CDK2AP1: variants seen among roughly 807,000 people sequenced by gnomAD.
CDK2AP1 encodes the protein cyclin dependent kinase 2 associated protein 1.
A neutral mutation model predicts 14.1 loss-of-function variants in CDK2AP1; 10 were observed. That is an observed-to-expected ratio of 0.71 (90% CI 0.44 to 1.20). The LOEUF (loss-of-function observed/expected upper bound fraction) is 1.20. Among genes scored for constraint, CDK2AP1 ranks in the 50% most tolerant of loss-of-function variants. The pLI is 0.00. For missense variants in CDK2AP1, 102 were observed against 149.9 expected, an observed-to-expected ratio of 0.68 and a Z score of 1.67; for synonymous variants, 59 against 59.8, an observed-to-expected ratio of 0.99 and a Z score of 0.06.
At chr12:123,261,933 G>A in intron 3 of CDK2AP1, 130 bp from the exon 4 acceptor site, 1 of 699,876 alleles carries the variant, frequency 1.4e-6, no homozygotes, top group South Asian at 1.6e-5. Context: ...AGAGAACCAG[G>A]GAAACCTATA....
At chr12:123,267,570 A>C in intron 1 of CDK2AP1, 1 of 366,968 alleles carries the variant, frequency 2.7e-6, no homozygotes, top group South Asian at 2.5e-5. Flanking sequence ...AGATAAAATT[A>C]TTGCCACTCC....
At position 123,267,169 on chromosome 12, in the gene CDK2AP1, A is replaced by T; in HGVS notation, c.153+16T>A. The T allele has an allele frequency of 6.9e-7, 1 of 1,441,812 alleles. No homozygotes were observed. Among genetic ancestry groups the T allele is most frequent in the African/African-American group, 1.4e-5 (1 of 71,418 alleles). The allele number at this position is 1,441,812 out of a possible 1,614,324, so 89.3% of individuals were successfully genotyped here. On this transcript the variant is annotated intron_variant, in intron 2 of 3. Coordinates refer to ENST00000261692, the MANE Select transcript of CDK2AP1 (RefSeq NM_004642.4). ...CCCCTGGCCCTCCCACCATGCCATC[A>T]CCCCCATTGACATACCTGGGTGTAG...
At chr12:123,261,929 C>T in intron 3 of CDK2AP1, 126 bp from the exon 4 acceptor site, 1 of 709,972 alleles carries the variant, frequency 1.4e-6, no homozygotes, top group Non-Finnish European at 2.5e-6. Context: ...ATAAAGAGAA[C>T]CAGGGAAACC....
intron 1 of CDK2AP1, among the ~76,000 whole-genome samples, chr12:123,268,710 C>T (rs1386464045): frequency 5.3e-5 from 8 of 152,228 alleles, no homozygotes; most frequent in Non-Finnish European, 8.8e-5. Flanking sequence ...TGATGAGACA[C>T]GTGCGCTATA....
rs1186822471 is a variant in CDK2AP1, at chr12:123,271,691, G to A, written c.-73C>T. On this transcript the variant is annotated 5_prime_UTR_variant, in exon 1 of 4. Coordinates refer to ENST00000261692, the MANE Select transcript of CDK2AP1 (RefSeq NM_004642.4). ...GGCGGCGGCGGCGGCGGCGAGGCCG[G>A]GCGGTAGCGCTGCAGCCCCGCGCCC... 2 of 553,432 alleles carry A rather than the reference G, an allele frequency of 3.6e-6. No individual in the cohort carries two copies. Among genetic ancestry groups the A allele is most frequent in the South Asian group, 7.5e-5 (1 of 13,332 alleles). The allele number at this position is 553,432 out of a possible 1,614,324, so 34.3% of individuals were successfully genotyped here. A position where few individuals can be genotyped will look rare whatever the true frequency, so the allele number is the denominator to read the frequency against.
At chr12:123,262,406 A>C (rs1410671207) in intron 3 of CDK2AP1, 1 of 152,140 alleles carries the variant, frequency 6.6e-6, no homozygotes, top group Non-Finnish European at 1.5e-5. Flanking sequence ...ATAGACACTA[A>C]GGATTCTATT....
intron 1 of CDK2AP1, 64 bp downstream of exon 1, chr12:123,271,500 G>C (rs1363183184): frequency 3.2e-6 from 3 of 941,444 alleles, no homozygotes; most frequent in Non-Finnish European, 3.8e-6. Context: ...TCCCCGGGCC[G>C]GGGCCGGGCG....
At chr12:123,262,750 T>C (rs2048246161) in intron 3 of CDK2AP1, among the ~76,000 whole-genome samples, 1 of 152,254 alleles carries the variant, frequency 6.6e-6, no homozygotes, top group East Asian at 1.9e-4. Flanking sequence ...TGTTTTATCA[T>C]TATTTGTAGA....
At position 123,265,133 on chromosome 12, in the gene CDK2AP1, A is replaced by G; in HGVS notation, c.280+63T>C. 2.5e-6 allele frequency: 4 copies of G among 1,601,674 alleles called. No homozygotes were observed. The highest frequency in any genetic ancestry group is 1.1e-5 in the South Asian group (1 of 90,836). The stretch of plus-strand genomic sequence containing the variant: ...CCCACCTTCCCACATTTTCCCCAAA[A>G]GTCTTTCCAGAGTTAAAGGTCTAGC... On this transcript the variant is annotated intron_variant, in intron 3 of 3. Coordinates refer to ENST00000261692, the MANE Select transcript of CDK2AP1 (RefSeq NM_004642.4). The surrounding 1 kb of genome is among the most constrained non-coding windows in gnomAD (Gnocchi z 5.3).
chr12:123,262,801 A>T (rs1399857181), intron 3 of CDK2AP1, among the ~76,000 whole-genome samples: 1 of 152,130 alleles, frequency 6.6e-6, no homozygotes, highest in Non-Finnish European at 1.5e-5. Context: ...TTAGCCTCCC[A>T]AACTGCTGGA....
At chr12:123,268,649 C>T (rs973141523) in intron 1 of CDK2AP1, among the ~76,000 whole-genome samples, 9 of 152,238 alleles carry the variant, frequency 5.9e-5, no homozygotes, top group African/African-American at 1.7e-4. Flanking sequence ...CGTGCCACTC[C>T]GAGCCTCAGT....
At chr12:123,271,186 CG>C (rs2048351043) in intron 1 of CDK2AP1, 1 of 204,922 alleles carries the variant, frequency 4.9e-6, no homozygotes, top group Non-Finnish European at 8.4e-6. Context: ...CGGCGCGGCC[CG>C]GGCCGCTCCC....
chr12:123,264,058 G>A (rs998487771), intron 3 of CDK2AP1, among the ~76,000 whole-genome samples: 10 of 150,942 alleles, frequency 6.6e-5, no homozygotes, highest in Non-Finnish European at 1.3e-4. Flanking sequence ...GCAGTGGGCC[G>A]AGATCGTGCC....
At chr12:123,269,257 G>A (rs2048331065) in intron 1 of CDK2AP1, 1 of 152,336 alleles carries the variant, frequency 6.6e-6, no homozygotes. Flanking sequence ...ATGGGCTCCA[G>A]TTCCTACTAT....
At position 123,261,646 on chromosome 12, in the gene CDK2AP1, T is replaced by G; in HGVS notation, c.*90A>C. On this transcript the variant is annotated 3_prime_UTR_variant, in exon 4 of 4. Coordinates refer to ENST00000261692, the MANE Select transcript of CDK2AP1 (RefSeq NM_004642.4). ...AGGAAAAACGAAACTGTAACCATTT[T>G]GAAAACAAGGGTTTCATCTGAACAG... The G allele has an allele frequency of 1.8e-6, 2 of 1,102,034 alleles. No individual in the cohort carries two copies. Among genetic ancestry groups the G allele is most frequent in the Non-Finnish European group, 2.8e-6 (2 of 722,816 alleles). 68.3% of individuals were successfully genotyped at this position (1,102,034 alleles called of 1,614,324 possible). A position where few individuals can be genotyped will look rare whatever the true frequency, so the allele number is the denominator to read the frequency against.
intron 3 of CDK2AP1, among the ~76,000 whole-genome samples, chr12:123,263,222 A>AAC (rs1274436339): frequency 2.2e-4 from 33 of 151,394 alleles, no homozygotes; most frequent in African/African-American, 7.8e-4. Flanking sequence ...AAAAAAAAAA[A>AAC]AAAACAAAAA....
intron 1 of CDK2AP1, 141 bp downstream of exon 1, chr12:123,271,423 G>A (rs145237336): frequency 0.042 from 11,233 of 267,786 alleles, 393 homozygotes; most frequent in East Asian, 0.26. Flanking sequence ...AATCATGGCG[G>A]CGGCAGCGCT....
rs2048283370 is a variant in CDK2AP1 at position 123,265,687 on chromosome 12, T to C, written c.154-365A>G. Among the ~76,000 whole-genome samples the C allele has an allele frequency of 6.6e-6, 1 of 152,050 alleles. No individual in the cohort carries two copies. Among genetic ancestry groups the C allele is most frequent in the African/African-American group, 2.4e-5 (1 of 41,398 alleles). On this transcript the variant is annotated intron_variant, in intron 2 of 3. Coordinates refer to ENST00000261692, the MANE Select transcript of CDK2AP1 (RefSeq NM_004642.4). The surrounding 1 kb of genome is among the most constrained non-coding windows in gnomAD (Gnocchi z 5.3). ...CAACTACAAGTTAGGGAGATGGTCC[T>C]CACCCTCCTATCCTCACACACTCAG...
rs574233599 is a variant in CDK2AP1 at position 123,261,323 on chromosome 12, G to C, written c.*413C>G. On this transcript the variant is annotated 3_prime_UTR_variant, in exon 4 of 4. Coordinates refer to ENST00000261692, the MANE Select transcript of CDK2AP1 (RefSeq NM_004642.4). ...ATGGGAACCGGCTACTAAGTAAAGC[G>C]TGCTGTCAATATGCGTTCAAAACAA... is the stretch of plus-strand genomic sequence containing the variant. The C allele has an allele frequency of 6.3e-6, 1 of 159,062 alleles. No individual in the cohort carries two copies. The highest frequency in any genetic ancestry group is 1.4e-5 in the Non-Finnish European group (1 of 72,582). The allele number at this position is 159,062 out of a possible 1,614,324, so 9.9% of individuals were successfully genotyped here.
Sources: gnomAD v4.1 joint callset for allele counts (sites outside exome capture counted in the v4.1 genomes callset) on GRCh38, gnomAD v4.1.1 for gene constraint, Gnocchi (gnomAD v3.1) non-coding constraint, MANE v1.5 for transcripts, NCBI Gene and HGNC (gene_info 2026-07-23, HGNC 2026-07-21) for gene names.